Variants in PRKN observed in about 807,000 individuals in gnomAD.
PRKN encodes the protein parkin RBR E3 ubiquitin protein ligase.
PRKN carries 56 observed loss-of-function variants against 59.5 expected under a neutral mutation model. The ratio of observed to expected loss-of-function variants is 0.94; its 90% CI spans 0.76 to 1.18. PRKN has a LOEUF of 1.18. PRKN is among the 50% of genes most tolerant of loss of function. PRKN has a pLI of 0.00. For synonymous variants in PRKN, 250 were observed against 222.1 expected, an observed-to-expected ratio of 1.13 and a Z score of -1.12; for missense variants, 657 against 596.4, an observed-to-expected ratio of 1.10 and a Z score of -1.06.
At chr6:161,486,166 T>C (rs1791633876) in intron 9 of PRKN, among the ~76,000 whole-genome samples, 1 of 152,320 alleles carries the variant, frequency 6.6e-6, no homozygotes, top group African/African-American at 2.4e-5. Flanking sequence ...TCATGTATTA[T>C]TTCGTTCTTT....
In PRKN at chr6:162,637,926, A is replaced by G. The variant is rs944369684; in HGVS notation, c.7+89736T>C. Reference sequence around the variant, plus strand: ...TTTCTGCATAAAACTATGGCCCTAAAGCATTGAACGCCAATGAATGATTGA... The same window carrying G: ...TTTCTGCATAAAACTATGGCCCTAAGGCATTGAACGCCAATGAATGATTGA... On this transcript the variant is annotated intron_variant, in intron 1 of 11. Coordinates refer to ENST00000366898, the MANE Select transcript of PRKN (RefSeq NM_004562.3). Among the ~76,000 whole-genome samples the G allele has an allele frequency of 2.0e-5, 3 of 152,166 alleles. No homozygotes were observed. The East Asian group carries it at 5.8e-4, about 29-fold the overall frequency.
chr6:161,365,236 T>C (rs866783702), intron 10 of PRKN, among the ~76,000 whole-genome samples: 13 of 152,242 alleles, frequency 8.5e-5, no homozygotes, highest in African/African-American at 2.6e-4. Context: ...TGACTGCAAA[T>C]ATCCCAGCAC....
chr6:162,353,964 T>C (rs552947945), intron 2 of PRKN, among the ~76,000 whole-genome samples: 1 of 152,324 alleles, frequency 6.6e-6, no homozygotes, highest in East Asian at 1.9e-4. Context: ...CCATAGCTTT[T>C]ATGATGATTG....
chr6:162,630,711 G>C lies in PRKN; in HGVS notation c.7+96951C>G, dbSNP rs369608981. Among the ~76,000 whole-genome samples the C allele has an allele frequency of 3.9e-5, 6 of 152,120 alleles. No individual in the cohort carries two copies. In the East Asian group the frequency reaches 1.2e-3, roughly 29 times the overall value. On this transcript the variant is annotated intron_variant, in intron 1 of 11. Transcript: ENST00000366898. The stretch of plus-strand genomic sequence containing the variant: ...GCCTTGAATTCTGTCACCATTTTAA[G>C]AGGCCATTTTGTCCACATCTTCCCT...
intron 1 of PRKN, among the ~76,000 whole-genome samples, chr6:162,498,037 A>G (rs972317551): frequency 6.6e-6 from 1 of 152,214 alleles, no homozygotes; most frequent in South Asian, 2.1e-4. Flanking sequence ...TACAATTGTT[A>G]TATGTCTATT....
intron 9 of PRKN, among the ~76,000 whole-genome samples, chr6:161,481,324 G>T (rs142600372): frequency 6.6e-6 from 1 of 152,226 alleles, no homozygotes; most frequent in East Asian, 1.9e-4. Context: ...AGAACCTTTG[G>T]CTGGGCGCGT....
chr6:161,815,019 T>C (rs1791714734), intron 6 of PRKN, among the ~76,000 whole-genome samples: 1 of 152,074 alleles, frequency 6.6e-6, no homozygotes, highest in Non-Finnish European at 1.5e-5. Flanking sequence ...TGAGGTACTT[T>C]TATGACAATG....
At chr6:162,180,865 T>C (rs1783772046) in intron 4 of PRKN, among the ~76,000 whole-genome samples, 1 of 152,152 alleles carries the variant, frequency 6.6e-6, no homozygotes, top group Admixed American at 6.5e-5. Context: ...TGCATCCCCA[T>C]ATATTAACTG....
At chr6:162,588,891 A>G (rs953835596) in intron 1 of PRKN, among the ~76,000 whole-genome samples, 19 of 152,084 alleles carry the variant, frequency 1.2e-4, no homozygotes, top group African/African-American at 4.6e-4. Context: ...CAGTGCCATA[A>G]AGAAAGCTTC....
intron 2 of PRKN, among the ~76,000 whole-genome samples, chr6:162,338,874 C>T (rs1783983810): frequency 1.3e-5 from 2 of 148,212 alleles, no homozygotes; most frequent in South Asian, 2.2e-4. Flanking sequence ...CGCCCATCGT[C>T]TGAGATGTGG....
rs1343947181 is a variant in PRKN, at chr6:161,487,316, G to A, written c.1083+61538C>T. Among the ~76,000 whole-genome samples, 1 of 152,140 alleles carries A rather than the reference G, an allele frequency of 6.6e-6. No homozygotes were observed. Among genetic ancestry groups the A allele is most frequent in the Non-Finnish European group, 1.5e-5 (1 of 68,026 alleles). On this transcript the variant is annotated intron_variant, in intron 9 of 11. Coordinates refer to ENST00000366898, the MANE Select transcript of PRKN (RefSeq NM_004562.3). This position sits in a 1 kb window ranked among gnomAD's most constrained non-coding sequence, Gnocchi z 5.3. ...GGCTGGGACTCCCAGCACTTGCCTG[G>A]TTCAGATCACACTACTGTCTCCTTC... is the stretch of plus-strand genomic sequence containing the variant.
chr6:162,127,767 G>T (rs1305757909), intron 4 of PRKN, among the ~76,000 whole-genome samples: 3 of 152,158 alleles, frequency 2.0e-5, no homozygotes, highest in African/African-American at 4.8e-5. Flanking sequence ...TCCTTTGATT[G>T]TTCCATCCCT....
At chr6:162,450,230 T>C (rs6914057) in intron 1 of PRKN, among the ~76,000 whole-genome samples, 16,518 of 151,160 alleles carry the variant, frequency 0.11, 959 homozygotes, top group Middle Eastern at 0.14. Context: ...ATAATGCCCC[T>C]GTGACAGTAA....
Position 162,006,971 on chromosome 6 carries a change from T to C in PRKN, c.619-33554A>G, listed in dbSNP as rs189131223. ...ACATTGTATGGCTTCATTATCTATA[T>C]ATACAGTTAAAAAATTATATATACA... On this transcript the variant is annotated intron_variant, in intron 5 of 11. Transcript: ENST00000366898. Among the ~76,000 whole-genome samples the C allele has an allele frequency of 1.4e-3, 207 of 152,232 alleles. 1 individual carries two copies. The highest frequency in any genetic ancestry group is 2.4e-3 in the Non-Finnish European group (160 of 68,020).
chr6:161,920,985 C>T (rs1170368315), intron 6 of PRKN, among the ~76,000 whole-genome samples: 19 of 152,086 alleles, frequency 1.2e-4, no homozygotes, highest in African/African-American at 2.4e-5. Flanking sequence ...CAATAATAAA[C>T]TGACCTTGGC....
At chr6:161,877,461 A>ATTT (rs35664661) in intron 6 of PRKN, among the ~76,000 whole-genome samples, 1,448 of 141,310 alleles carry the variant, frequency 0.01, 29 homozygotes, top group African/African-American at 0.034. Context: ...ACATATTTGC[A>ATTT]TTTTTTTTTT....
chr6:162,181,091 C>T (rs182491238), intron 4 of PRKN, among the ~76,000 whole-genome samples: 2 of 152,172 alleles, frequency 1.3e-5, no homozygotes, highest in South Asian at 2.1e-4. Context: ...CAGCCCATAA[C>T]AATACAAGCA....
intron 4 of PRKN, among the ~76,000 whole-genome samples, chr6:162,104,290 C>T (rs1780096772): frequency 6.6e-6 from 1 of 152,198 alleles, no homozygotes; most frequent in Non-Finnish European, 1.5e-5. Context: ...CCTGAACACA[C>T]ACATTCCACT....
At chr6:162,157,914 TG>T (rs1459848259) in intron 4 of PRKN, among the ~76,000 whole-genome samples, 1 of 152,088 alleles carries the variant, frequency 6.6e-6, no homozygotes, top group Non-Finnish European at 1.5e-5. Flanking sequence ...TTCAGTCCTC[TG>T]GTCTCAACAT....
Sources: gnomAD v4.1 joint callset for allele counts (sites outside exome capture counted in the v4.1 genomes callset) on GRCh38, gnomAD v4.1.1 for gene constraint, Gnocchi (gnomAD v3.1) non-coding constraint, MANE v1.5 for transcripts, NCBI Gene and HGNC (gene_info 2026-07-23, HGNC 2026-07-21) for gene names.